The following PODXL variants were observed in gnomAD, a reference collection of about 807,000 sequenced individuals.
PODXL encodes podocalyxin like, also known as podocalyxin.
In PODXL, 20 loss-of-function variants were observed where a neutral mutation model predicts 48.9. The observed-to-expected ratio is 0.41, with a 90% CI of 0.29 to 0.59. The LOEUF (loss-of-function observed/expected upper bound fraction) is 0.59. Among genes scored for constraint, PODXL ranks in the 20% least tolerant of loss-of-function variants. The pLI, the probability that PODXL is intolerant of heterozygous loss-of-function variation, is 0.31. For synonymous variants in PODXL, 295 were observed against 287.4 expected (o/e 1.03, Z -0.27); for missense variants, 606 against 675.1 (o/e 0.90, Z 1.13).
At chr7:131,547,779 C>CCTCA (rs1798606301) in intron 1 of PODXL, among the ~76,000 whole-genome samples, 1 of 152,224 alleles carries the variant, frequency 6.6e-6, no homozygotes, top group East Asian at 1.9e-4. Flanking sequence ...CACCCCAAGC[C>CCTCA]CTCAGTGGCC....
At chr7:131,529,551 A>G (rs868502163) in intron 1 of PODXL, among the ~76,000 whole-genome samples, 11 of 151,926 alleles carry the variant, frequency 7.2e-5, no homozygotes, top group Non-Finnish European at 1.2e-4. Flanking sequence ...CCTGGACACC[A>G]GTATCGACCT....
Position 131,511,137 on chromosome 7 carries a change from T to C in PODXL, c.397A>G (p.Thr133Ala). The change falls in exon 2 of 9, where the codon ACA becomes GCA. Residue 133 changes from threonine (T) to alanine (A), a missense_variant. Transcript: ENST00000378555. ...GCTGTGGCTGTGGAGGTTGCAACTGTAGTGGTGTCTGCACTTTTTGTGCTC... is the reference window on the plus strand; with the variant it reads ...GCTGTGGCTGTGGAGGTTGCAACTGCAGTGGTGTCTGCACTTTTTGTGCTC... ...PKSTKSADTT[T>A]VATSTATAKP... 6.2e-7 allele frequency: 1 copy of C among 1,614,012 alleles called. No homozygotes were observed. Among genetic ancestry groups the C allele is most frequent in the Non-Finnish European group, 8.5e-7 (1 of 1,179,996 alleles).
chr7:131,517,914 T>C (rs1246330162), intron 1 of PODXL, among the ~76,000 whole-genome samples: 2 of 152,128 alleles, frequency 1.3e-5, no homozygotes, highest in Non-Finnish European at 2.9e-5. Context: ...AATTTTTGTA[T>C]TTTTAACGGA....
chr7:131,506,755 G>A lies in PODXL; in HGVS notation c.1102-29C>T, dbSNP rs201822143. 130 of 1,611,362 alleles carry A rather than the reference G, an allele frequency of 8.1e-5. No individual in the cohort carries two copies. The East Asian group carries it at 2.2e-3, about 28-fold the overall frequency. ...TGGTGGGGAGAGCGCAGGTGACTCC[G>A]CGGGGAGCGTGACAGCAGCCTAGGC... is the stretch of plus-strand genomic sequence containing the variant. On this transcript the variant is annotated intron_variant, in intron 5 of 8. Transcript: ENST00000378555.
rs1797684599 is a variant in PODXL at position 131,500,638 on chromosome 7, A to G, written c.*3673T>C. On this transcript the variant is annotated 3_prime_UTR_variant, in exon 9 of 9. Coordinates refer to ENST00000378555, the MANE Select transcript of PODXL (RefSeq NM_001018111.3). ...TCCTGTTGGAGTAAGTTCCATATAT[A>G]AAAGCTCATCCAAAACTTTGTTTCT... 1 of 152,242 alleles carries G rather than the reference A, an allele frequency of 6.6e-6. No individual in the cohort carries two copies. Among genetic ancestry groups the G allele is most frequent in the African/African-American group, 2.4e-5 (1 of 41,458 alleles). The allele number at this position is 152,242 out of a possible 1,614,324, so 9.4% of individuals were successfully genotyped here.
chr7:131,533,149 A>G (rs933954299), intron 1 of PODXL, among the ~76,000 whole-genome samples: 1 of 152,144 alleles, frequency 6.6e-6, no homozygotes, highest in Admixed American at 6.5e-5. Flanking sequence ...TTACCCCCAC[A>G]CAGGCTGAGT....
chr7:131,540,069 G>T (rs149885500), intron 1 of PODXL, among the ~76,000 whole-genome samples: 299 of 152,178 alleles, frequency 2.0e-3, no homozygotes, highest in African/African-American at 7.0e-3. Context: ...TAGAGACAGG[G>T]TCTTGCTCTG....
intron 1 of PODXL, among the ~76,000 whole-genome samples, chr7:131,528,936 A>G (rs1375257044): frequency 1.3e-5 from 2 of 152,164 alleles, no homozygotes; most frequent in Admixed American, 6.5e-5. Context: ...GAGTTCAAGC[A>G]TCGTGATGTG....
At chr7:131,544,758 G>A (rs1278287824) in intron 1 of PODXL, among the ~76,000 whole-genome samples, 1 of 152,168 alleles carries the variant, frequency 6.6e-6, no homozygotes, top group Non-Finnish European at 1.5e-5. Context: ...TCCCACCTGC[G>A]AGTAGTGCCT....
chr7:131,538,576 G>A (rs1277624889), intron 1 of PODXL, among the ~76,000 whole-genome samples: 1 of 152,134 alleles, frequency 6.6e-6, no homozygotes, highest in Non-Finnish European at 1.5e-5. Context: ...AATGACTCAT[G>A]ACTATAATTC....
At chr7:131,551,381 C>G (rs774385785) in intron 1 of PODXL, among the ~76,000 whole-genome samples, 11 of 152,186 alleles carry the variant, frequency 7.2e-5, no homozygotes, top group Non-Finnish European at 1.0e-4. Context: ...GTAAAGAGCT[C>G]CTGGCTGAGG....
chr7:131,552,272 T>G (rs1798680754), intron 1 of PODXL, among the ~76,000 whole-genome samples: 1 of 152,172 alleles, frequency 6.6e-6, no homozygotes, highest in Non-Finnish European at 1.5e-5. Context: ...CACCGCATGG[T>G]GGAGGAGACA....
In PODXL at chr7:131,530,759, G is replaced by GAAA. The variant is rs886450674; in HGVS notation, c.101-19329_101-19327dup. ...GGCAATGGGGAAAGATCATGTCTCA[G>GAAA]AAAAAAAAAAAAAAAAAAGGCCAGG... On this transcript the variant is annotated intron_variant, in intron 1 of 8. Coordinates refer to ENST00000378555, the MANE Select transcript of PODXL (RefSeq NM_001018111.3). 7.8e-4 allele frequency among the ~76,000 whole-genome samples: 56 copies of GAAA among 71,738 alleles called. No individual in the cohort carries two copies. In the East Asian group the frequency reaches 0.013, roughly 16 times the overall value. 47.1% of individuals were successfully genotyped at this position (71,738 alleles called of 152,430 possible).
At chr7:131,550,075 G>C (rs533735554) in intron 1 of PODXL, among the ~76,000 whole-genome samples, 1 of 152,236 alleles carries the variant, frequency 6.6e-6, no homozygotes, top group East Asian at 1.9e-4. Flanking sequence ...GCAGCTGAAC[G>C]CTGCATTTTG....
chr7:131,555,667 G>A (rs1406147341), intron 1 of PODXL, among the ~76,000 whole-genome samples: 1 of 152,186 alleles, frequency 6.6e-6, no homozygotes, highest in African/African-American at 2.4e-5. Flanking sequence ...CTGGGACTGT[G>A]GAAGGTCCAC....
intron 1 of PODXL, among the ~76,000 whole-genome samples, chr7:131,541,863 TG>T (rs751078189): frequency 5.9e-5 from 9 of 152,146 alleles, no homozygotes; most frequent in Non-Finnish European, 8.8e-5. Flanking sequence ...CGGTTTCCTA[TG>T]GGCACCGCCT....
At chr7:131,510,165 AAGACAAG>A (rs1334949913) in intron 3 of PODXL, 64 bp downstream of exon 3, 1 of 437,272 alleles carries the variant, frequency 2.3e-6, no homozygotes, top group East Asian at 7.6e-5. Context: ...TTACTAGGTT[AAGACAAG>A]CTCTTATAAA....
At chr7:131,504,571 C>A (rs1797768344) in intron 8 of PODXL, 63 bp from the exon 9 acceptor site, 1 of 1,350,258 alleles carries the variant, frequency 7.4e-7, no homozygotes, top group African/African-American at 1.4e-5. Flanking sequence ...TAATACAGCG[C>A]ATGTACGTAC....
intron 1 of PODXL, among the ~76,000 whole-genome samples, chr7:131,533,156 G>A (rs1798311598): frequency 6.6e-6 from 1 of 152,170 alleles, no homozygotes; most frequent in Non-Finnish European, 1.5e-5. Context: ...CACACAGGCT[G>A]AGTGTCAGGT....
Sources: gnomAD v4.1 joint callset for allele counts (sites outside exome capture counted in the v4.1 genomes callset) on GRCh38, gnomAD v4.1.1 for gene constraint, MANE v1.5 for transcripts, NCBI Gene and HGNC (gene_info 2026-07-23, HGNC 2026-07-21) for gene names.